Variants in SGCD observed in about 807,000 individuals in gnomAD.
The protein encoded by SGCD is sarcoglycan delta.
Under a neutral mutation model 36.6 loss-of-function variants are expected in SGCD, and 18 were observed. The ratio of observed to expected loss-of-function variants is 0.49; its 90% CI spans 0.34 to 0.73. The LOEUF (loss-of-function observed/expected upper bound fraction) is 0.73, where lower values mean the gene tolerates loss of function less well. Among genes scored for constraint, SGCD ranks in the 30% least tolerant of loss-of-function variants. SGCD has a pLI of 0.01. For missense variants in SGCD, 387 were observed against 346.7 expected, an observed-to-expected ratio of 1.12 and a Z score of -0.92; for synonymous variants, 133 against 130.6, an observed-to-expected ratio of 1.02 and a Z score of -0.12.
At chr5:156,168,498 C>A (rs1049098231) in intron 3 of SGCD, among the ~76,000 whole-genome samples, 6 of 152,100 alleles carry the variant, frequency 3.9e-5, no homozygotes, top group Non-Finnish European at 7.4e-5. Context: ...CTGCTTGAGC[C>A]CAGCAGGTCA....
intron 2 of SGCD, among the ~76,000 whole-genome samples, chr5:156,341,439 A>G (rs1436940667): frequency 6.6e-6 from 1 of 152,150 alleles, no homozygotes; most frequent in African/African-American, 2.4e-5. Flanking sequence ...ATGTTGTCCC[A>G]AATGCTTAGA....
intron 7 of SGCD, among the ~76,000 whole-genome samples, chr5:156,738,841 T>C (rs1756514237): frequency 6.6e-6 from 1 of 152,172 alleles, no homozygotes; most frequent in Admixed American, 6.5e-5. Flanking sequence ...CACCAATATC[T>C]CTTTTGAACA....
At chr5:156,592,525 C>G (rs1009223117) in intron 5 of SGCD, among the ~76,000 whole-genome samples, 1 of 152,082 alleles carries the variant, frequency 6.6e-6, no homozygotes, top group Non-Finnish European at 1.5e-5. Context: ...TTCTATTTCT[C>G]CTTCTCCTCA....
At chr5:156,420,514 T>A (rs972717124) in intron 3 of SGCD, among the ~76,000 whole-genome samples, 5 of 152,126 alleles carry the variant, frequency 3.3e-5, no homozygotes, top group African/African-American at 1.2e-4. Flanking sequence ...CACAGGACTG[T>A]TAATTTTTTT....
At chr5:155,732,888 CA>C in the SGCD span, among the ~76,000 whole-genome samples, 1 of 152,054 alleles carries the variant, frequency 6.6e-6, no homozygotes, top group Non-Finnish European at 1.5e-5. Flanking sequence ...AATAGAAATA[CA>C]AAAAGTAGTA....
At chr5:156,745,128 TAG>T (rs1400203791) in intron 7 of SGCD, among the ~76,000 whole-genome samples, 2 of 152,070 alleles carry the variant, frequency 1.3e-5, no homozygotes, top group Non-Finnish European at 2.9e-5. Flanking sequence ...TGGGGAGTCT[TAG>T]AGATTTCACA....
At chr5:156,233,802 T>C (rs575394003) in intron 3 of SGCD, among the ~76,000 whole-genome samples, 1 of 152,286 alleles carries the variant, frequency 6.6e-6, no homozygotes, top group African/African-American at 2.4e-5. Context: ...TGAGGATCAC[T>C]TGAGCCCAGG....
rs182874597 is a variant in SGCD at position 156,328,994 on chromosome 5, T to C, written c.-43-540T>C. On this transcript the variant is annotated intron_variant, in intron 1 of 8. Coordinates refer to ENST00000337851, the MANE Select transcript of SGCD (RefSeq NM_000337.6). ...CTCTATATTTAGCGTGCGTCAAGCA[T>C]TGAGCAGAAGAGGCGTGAAATAGCA... Among the ~76,000 whole-genome samples, 795 of 152,276 alleles carry C rather than the reference T, an allele frequency of 5.2e-3. 3 individuals carry two copies. The highest frequency in any genetic ancestry group is 8.2e-3 in the Non-Finnish European group (560 of 68,012).
intron 1 of SGCD, among the ~76,000 whole-genome samples, chr5:155,968,398 T>C (rs1757943219): frequency 6.6e-6 from 1 of 152,152 alleles, no homozygotes; most frequent in Non-Finnish European, 1.5e-5. Flanking sequence ...TCCCGTTATC[T>C]GAAGTTTCTC....
intron 3 of SGCD, among the ~76,000 whole-genome samples, chr5:156,374,065 C>T (rs1193448302): frequency 2.0e-5 from 3 of 151,092 alleles, no homozygotes; most frequent in African/African-American, 7.3e-5. Flanking sequence ...TAAGCAGTAA[C>T]TCGGATAAAA....
At chr5:156,332,368 T>A (rs1375424042) in intron 2 of SGCD, among the ~76,000 whole-genome samples, 1 of 152,234 alleles carries the variant, frequency 6.6e-6, no homozygotes, top group East Asian at 1.9e-4. Context: ...ATTCCCTATG[T>A]AATTTCTTGG....
intron 4 of SGCD, among the ~76,000 whole-genome samples, chr5:156,517,982 C>G (rs966520932): frequency 6.6e-6 from 1 of 152,178 alleles, no homozygotes; most frequent in Non-Finnish European, 1.5e-5. Context: ...ATCAAATTCA[C>G]ACATAGCAAT....
intron 3 of SGCD, among the ~76,000 whole-genome samples, chr5:156,146,438 G>A (rs1057328492): frequency 1.3e-5 from 2 of 152,172 alleles, no homozygotes; most frequent in South Asian, 2.1e-4. Context: ...GGTACTTGAT[G>A]GTAGATGGTG....
chr5:156,422,921 T>G (rs1189514721), intron 3 of SGCD, among the ~76,000 whole-genome samples: 3 of 151,474 alleles, frequency 2.0e-5, no homozygotes, highest in Non-Finnish European at 2.9e-5. Flanking sequence ...GAAAGGAAAT[T>G]TATCCTTTAT....
At chr5:156,365,754 C>T (rs1382910014) in intron 3 of SGCD, among the ~76,000 whole-genome samples, 3 of 148,346 alleles carry the variant, frequency 2.0e-5, no homozygotes, top group Non-Finnish European at 4.4e-5. Flanking sequence ...TACATACACA[C>T]CTATTTACAT....
chr5:156,263,494 G>A (rs1038642587), intron 3 of SGCD, among the ~76,000 whole-genome samples: 3 of 151,888 alleles, frequency 2.0e-5, no homozygotes, highest in Non-Finnish European at 4.4e-5. Context: ...CTGAATATTT[G>A]TCTGTTGTCG....
intron 3 of SGCD, among the ~76,000 whole-genome samples, chr5:156,445,899 A>T (rs1436950236): frequency 6.6e-6 from 1 of 152,148 alleles, no homozygotes; most frequent in East Asian, 1.9e-4. Context: ...TTATTCATTC[A>T]TTCCTTCACC....
intron 7 of SGCD, among the ~76,000 whole-genome samples, chr5:156,734,658 T>TAATACTTGTTATTGCATTATAA (rs1249791226): frequency 2.6e-5 from 4 of 152,228 alleles, no homozygotes; most frequent in Non-Finnish European, 4.4e-5. Context: ...TTTCTGCTGT[T>TAATACTTGTTATTGCATTATAA]AATACTTGTT....
rs947078543 is a variant in SGCD at position 156,061,944 on chromosome 5, T to A, written c.-281-55934T>A. On this transcript the variant is annotated intron_variant, in intron 1 of 9. Transcript: ENST00000517913. ...CTTTTTTTTTTTTTTTTTTTTTTTT[T>A]ATTATACTCTAAGTTTTAGGGTACA... is the stretch of plus-strand genomic sequence containing the variant. 2.7e-4 allele frequency among the ~76,000 whole-genome samples: 27 copies of A among 101,320 alleles called. 3 individuals carry two copies. Among genetic ancestry groups the A allele is most frequent in the African/African-American group, 1.4e-3 (21 of 14,556 alleles). 66.5% of individuals were successfully genotyped at this position (101,320 alleles called of 152,430 possible). A position where few individuals can be genotyped will look rare whatever the true frequency, so the allele number is the denominator to read the frequency against.
Sources: gnomAD v4.1 joint callset for allele counts (sites outside exome capture counted in the v4.1 genomes callset) on GRCh38, gnomAD v4.1.1 for gene constraint, MANE v1.5 for transcripts, NCBI Gene and HGNC (gene_info 2026-07-23, HGNC 2026-07-21) for gene names.